The following RAPGEF4 variants were observed in gnomAD, a reference collection of about 807,000 sequenced individuals.
RAPGEF4 encodes Rap guanine nucleotide exchange factor 4.
In RAPGEF4, 66 loss-of-function variants were observed where a neutral mutation model predicts 147.9. The ratio of observed to expected loss-of-function variants is 0.45; its 90% CI spans 0.37 to 0.55. The LOEUF (loss-of-function observed/expected upper bound fraction) is 0.55. RAPGEF4 is among the 20% of genes least tolerant of loss of function. RAPGEF4 has a pLI of 0.00. For missense variants in RAPGEF4, 1,071 were observed against 1,257.3 expected (o/e 0.85, Z 2.24); for synonymous variants, 419 against 442.7 (o/e 0.95, Z 0.67).
chr2:172,951,980 A>G (rs528375083), intron 6 of RAPGEF4, among the ~76,000 whole-genome samples: 3 of 152,354 alleles, frequency 2.0e-5, no homozygotes, highest in East Asian at 1.9e-4. Flanking sequence ...ACAAGTGGCT[A>G]TGGAGCACTT....
At chr2:172,746,138 A>T (rs1195192320) in intron 1 of RAPGEF4, among the ~76,000 whole-genome samples, 4 of 152,238 alleles carry the variant, frequency 2.6e-5, no homozygotes, top group Non-Finnish European at 5.9e-5. Flanking sequence ...TTTCCAATAG[A>T]TACCTGGAAT....
intron 4 of RAPGEF4, chr2:172,821,572 C>T (rs1689061676): frequency 4.0e-6 from 4 of 988,880 alleles, no homozygotes; most frequent in Non-Finnish European, 4.8e-6. Flanking sequence ...TGTCTCTCTC[C>T]TCACAGTTCT....
intron 4 of RAPGEF4, among the ~76,000 whole-genome samples, chr2:172,877,307 A>C (rs1302308482): frequency 1.3e-5 from 2 of 152,108 alleles, no homozygotes; most frequent in Non-Finnish European, 2.9e-5. Flanking sequence ...CATAAGTGGG[A>C]GTTGAAAAAT....
At chr2:173,018,612 A>G in intron 21 of RAPGEF4, 44 bp from the exon 22 acceptor site, 1 of 1,551,082 alleles carries the variant, frequency 6.4e-7, no homozygotes, top group Non-Finnish European at 8.7e-7. Context: ...TTTTATTGAA[A>G]ACTCTTAAGA....
At chr2:173,020,544 G>T in intron 22 of RAPGEF4, 74 bp from the exon 23 acceptor site, 1 of 1,181,228 alleles carries the variant, frequency 8.5e-7, no homozygotes, top group Non-Finnish European at 1.3e-6. Flanking sequence ...CTGGCAATTT[G>T]TTGGTGTGAT....
intron 4 of RAPGEF4, among the ~76,000 whole-genome samples, chr2:172,905,158 C>T (rs1013016487): frequency 2.6e-5 from 4 of 152,146 alleles, no homozygotes; most frequent in Admixed American, 2.0e-4. Context: ...CTCTGACTCC[C>T]AAATCTGAAT....
At chr2:173,045,130 G>T (rs1195487124) in intron 29 of RAPGEF4, among the ~76,000 whole-genome samples, 2 of 152,198 alleles carry the variant, frequency 1.3e-5, no homozygotes. Context: ...AATAACATAG[G>T]CTGAAGTTTG....
intron 4 of RAPGEF4, among the ~76,000 whole-genome samples, chr2:172,880,230 G>A (rs747283512): frequency 8.5e-5 from 13 of 152,142 alleles, no homozygotes; most frequent in Admixed American, 6.5e-4. Context: ...TCAGTGCTCC[G>A]CGCTCTGGGG....
intron 1 of RAPGEF4, among the ~76,000 whole-genome samples, chr2:172,754,845 A>G (rs1695615897): frequency 6.6e-6 from 1 of 152,194 alleles, no homozygotes; most frequent in Non-Finnish European, 1.5e-5. Flanking sequence ...GATGGAGACC[A>G]TCCTGGCTAA....
intron 4 of RAPGEF4, among the ~76,000 whole-genome samples, chr2:172,869,415 C>T (rs1377595469): frequency 1.3e-5 from 2 of 152,164 alleles, no homozygotes; most frequent in Non-Finnish European, 2.9e-5. Context: ...AAAGTCCTTT[C>T]CCTGTGGGTA....
rs149311203 is a variant in RAPGEF4 at position 172,902,007 on chromosome 2, G to A, written c.445-15795G>A. On this transcript the variant is annotated intron_variant, in intron 4 of 30. Transcript: ENST00000397081. ...GGGGGAGTCATGAGGACTGGGGGTT[G>A]GGGAAGGCCACGCTGAGGAGGTTAT... 2.0e-4 allele frequency among the ~76,000 whole-genome samples: 30 copies of A among 152,306 alleles called. 1 individual carries two copies. In the East Asian group the frequency reaches 5.8e-3, roughly 29 times the overall value.
intron 3 of RAPGEF4, among the ~76,000 whole-genome samples, chr2:172,799,132 A>T (rs1375033041): frequency 6.6e-6 from 1 of 152,124 alleles, no homozygotes; most frequent in Non-Finnish European, 1.5e-5. Context: ...TAATCAAGAT[A>T]TTTATCCATA....
chr2:172,907,913 G>C (rs1388035037), intron 4 of RAPGEF4, among the ~76,000 whole-genome samples: 4 of 152,148 alleles, frequency 2.6e-5, no homozygotes, highest in African/African-American at 9.7e-5. Flanking sequence ...TCCTCACAAT[G>C]GTCCTGAAAG....
chr2:172,902,983 A>G (rs1699230065), intron 4 of RAPGEF4, among the ~76,000 whole-genome samples: 1 of 152,200 alleles, frequency 6.6e-6, no homozygotes, highest in Non-Finnish European at 1.5e-5. Flanking sequence ...GAGCAGCAAT[A>G]ATAGAAAAAA....
At chr2:172,985,155 A>T (rs73017504) in intron 11 of RAPGEF4, among the ~76,000 whole-genome samples, 4,631 of 152,342 alleles carry the variant, frequency 0.03, 148 homozygotes, top group African/African-American at 0.083. Flanking sequence ...CAAGTGGGCT[A>T]GTTAATGCAG....
chr2:172,839,005 G>A (rs904686623), intron 4 of RAPGEF4, among the ~76,000 whole-genome samples: 1 of 152,034 alleles, frequency 6.6e-6, no homozygotes, highest in Non-Finnish European at 1.5e-5. Context: ...ACCAAACAGG[G>A]AACAGCTTTC....
chr2:172,919,597 C>T (rs1684495531), intron 5 of RAPGEF4, among the ~76,000 whole-genome samples: 1 of 152,110 alleles, frequency 6.6e-6, no homozygotes, highest in South Asian at 2.1e-4. Flanking sequence ...ACTCACTCTC[C>T]CCTCTTCCAT....
intron 6 of RAPGEF4, among the ~76,000 whole-genome samples, chr2:172,941,273 A>G (rs1051069864): frequency 2.6e-5 from 4 of 152,126 alleles, no homozygotes; most frequent in Admixed American, 6.6e-5. Flanking sequence ...TACCCTTGCT[A>G]TTAGGTTTTT....
At chr2:172,759,682 G>A (rs1309738945) in intron 1 of RAPGEF4, among the ~76,000 whole-genome samples, 3 of 152,150 alleles carry the variant, frequency 2.0e-5, no homozygotes, top group Non-Finnish European at 4.4e-5. Flanking sequence ...GTATGCCTCT[G>A]TAAATGAGTT....
Sources: allele counts gnomAD v4.1 joint callset (sites outside exome capture counted in the v4.1 genomes callset), GRCh38; gene constraint gnomAD v4.1.1; transcripts MANE v1.5; gene names NCBI Gene and HGNC (gene_info 2026-07-23, HGNC 2026-07-21).